CACNA1E: variants seen among roughly 807,000 people sequenced by gnomAD.
CACNA1E encodes calcium voltage-gated channel subunit alpha1 E.
In CACNA1E, 40 loss-of-function variants were observed where a neutral mutation model predicts 259.2. That is an observed-to-expected ratio of 0.15 (90% confidence interval 0.12 to 0.20). CACNA1E has a LOEUF of 0.20. CACNA1E is among the 10% of genes least tolerant of loss of function. The probability of loss-of-function intolerance (pLI) is 1.00; values close to 1 mark genes in which losing one functional copy is unlikely to be tolerated. For synonymous variants in CACNA1E, 1,104 were observed against 1,138.5 expected, an observed-to-expected ratio of 0.97 and a Z score of 0.61; for missense variants, 1,874 against 3,040.1, an observed-to-expected ratio of 0.62 and a Z score of 9.02.
At chr1:181,704,890 T>A (rs935183366) in intron 7 of CACNA1E, among the ~76,000 whole-genome samples, 1 of 152,136 alleles carries the variant, frequency 6.6e-6, no homozygotes, top group Non-Finnish European at 1.5e-5. Flanking sequence ...TACCAGAACA[T>A]CTTCATCGCT....
intron 3 of CACNA1E, among the ~76,000 whole-genome samples, chr1:181,534,248 C>G (rs931273570): frequency 1.3e-5 from 2 of 152,042 alleles, no homozygotes; most frequent in African/African-American, 4.8e-5. Context: ...ATATTTTCAT[C>G]TAATTCATAA....
chr1:181,719,705 TCTC>T (rs748236367), intron 12 of CACNA1E, 43 bp from the exon 13 acceptor site: 33 of 1,081,854 alleles, frequency 3.1e-5, no homozygotes, highest in Non-Finnish European at 4.1e-5. Context: ...TGCCCCCTCT[TCTC>T]CTCTTCCTCC....
intron 7 of CACNA1E, chr1:181,651,680 G>A: frequency 2.7e-6 from 1 of 368,424 alleles, no homozygotes; most frequent in East Asian, 5.0e-5. Context: ...ACTGAACACA[G>A]TATGTAGTGA....
chr1:181,633,360 T>G (rs952627436), intron 6 of CACNA1E, among the ~76,000 whole-genome samples: 16 of 151,972 alleles, frequency 1.1e-4, no homozygotes, highest in African/African-American at 3.9e-4. Flanking sequence ...CTTGAGCGAG[T>G]GTTTTAGCTG....
intron 17 of CACNA1E, among the ~76,000 whole-genome samples, chr1:181,725,612 A>G (rs74698494): frequency 0.038 from 5,775 of 152,276 alleles, 352 homozygotes; most frequent in African/African-American, 0.13. Context: ...TAGCTGTGCA[A>G]AGAAGACACT....
intron 2 of CACNA1E, among the ~76,000 whole-genome samples, chr1:181,452,208 GACACTTGGATA>G (rs1274766642): frequency 4.6e-5 from 7 of 152,202 alleles, no homozygotes; most frequent in Non-Finnish European, 1.0e-4. Flanking sequence ...TTAAAGGCTA[GACACTTGGATA>G]ACTAGGAAGG....
rs192457333 is a variant in CACNA1E at position 181,664,068 on chromosome 1, T to C, written c.1055+12627T>C. 3.0e-3 allele frequency among the ~76,000 whole-genome samples: 457 copies of C among 152,350 alleles called. 1 individual carries two copies. Among genetic ancestry groups the C allele is most frequent in the Non-Finnish European group, 4.6e-3 (316 of 68,028 alleles). On this transcript the variant is annotated intron_variant, in intron 7 of 47. Transcript: ENST00000367573. ...AGCATTTGGTTTATAAAGCATTTCA[T>C]GTGTTTGATTCCCACAATAATCCTA...
At chr1:181,353,168 C>A (rs901107040) in intron 1 of CACNA1E, among the ~76,000 whole-genome samples, 11 of 152,180 alleles carry the variant, frequency 7.2e-5, no homozygotes, top group African/African-American at 2.7e-4. Flanking sequence ...TCTCCACTAA[C>A]CCTGATGGGC....
At chr1:181,484,553 G>A (rs966400502) in intron 1 of CACNA1E, among the ~76,000 whole-genome samples, 1 of 152,178 alleles carries the variant, frequency 6.6e-6, no homozygotes, top group Non-Finnish European at 1.5e-5. Context: ...ACAGGCTTTT[G>A]GGTGGGGACT....
intron 1 of CACNA1E, among the ~76,000 whole-genome samples, chr1:181,370,670 T>C (rs2609498): frequency 0.55 from 83,124 of 152,048 alleles, 24,352 homozygotes; most frequent in African/African-American, 0.77. Context: ...TTTCTTTATC[T>C]AGTCCGTCAT....
chr1:181,558,094 A>G (rs1316333873), intron 3 of CACNA1E, among the ~76,000 whole-genome samples: 1 of 152,248 alleles, frequency 6.6e-6, no homozygotes, highest in Non-Finnish European at 1.5e-5. Flanking sequence ...GAAGAGAATA[A>G]TTCCAGAAGC....
intron 2 of CACNA1E, among the ~76,000 whole-genome samples, chr1:181,453,043 C>T (rs760450015): frequency 8.5e-5 from 13 of 152,236 alleles, no homozygotes; most frequent in Non-Finnish European, 1.2e-4. Flanking sequence ...TATTTGGACA[C>T]TTTGTGGCAG....
intron 6 of CACNA1E, among the ~76,000 whole-genome samples, chr1:181,646,547 T>C (rs1055203801): frequency 1.4e-4 from 21 of 152,264 alleles, no homozygotes; most frequent in African/African-American, 5.1e-4. Context: ...CACTCAGTCA[T>C]AGGCAATTCA....
chr1:181,365,508 C>T (rs1042860606), intron 1 of CACNA1E, among the ~76,000 whole-genome samples: 5 of 152,336 alleles, frequency 3.3e-5, no homozygotes, highest in African/African-American at 7.2e-5. Context: ...CATTCGGAGA[C>T]AGTTGGGTAA....
intron 35 of CACNA1E, among the ~76,000 whole-genome samples, chr1:181,767,456 C>T (rs1402921037): frequency 6.6e-6 from 1 of 152,206 alleles, no homozygotes; most frequent in Non-Finnish European, 1.5e-5. Flanking sequence ...CAGCATAGAA[C>T]TTCGGCTATG....
chr1:181,501,996 C>G (rs1665288307), intron 1 of CACNA1E, among the ~76,000 whole-genome samples: 1 of 152,028 alleles, frequency 6.6e-6, no homozygotes, highest in African/African-American at 2.4e-5. Context: ...ACAAGGAAAG[C>G]AATGAGATGA....
intron 1 of CACNA1E, among the ~76,000 whole-genome samples, chr1:181,347,397 T>C (rs183141409): frequency 6.6e-6 from 1 of 152,288 alleles, no homozygotes; most frequent in East Asian, 1.9e-4. Flanking sequence ...CTTTCTTTTT[T>C]CCTCCCATCC....
intron 13 of CACNA1E, among the ~76,000 whole-genome samples, 163 bp from the exon 14 acceptor site, chr1:181,720,043 G>A (rs1654280820): frequency 6.6e-6 from 1 of 151,978 alleles, no homozygotes; most frequent in Non-Finnish European, 1.5e-5. Flanking sequence ...AAATATCTAT[G>A]GTGCCACATT....
intron 6 of CACNA1E, among the ~76,000 whole-genome samples, chr1:181,601,886 G>T (rs943358748): frequency 3.3e-5 from 5 of 152,150 alleles, no homozygotes; most frequent in Admixed American, 3.3e-4. Flanking sequence ...ACTCCCTTCT[G>T]CTTCTTGCCT....
Sources: gnomAD v4.1 joint callset for allele counts (sites outside exome capture counted in the v4.1 genomes callset) on GRCh38, gnomAD v4.1.1 for gene constraint, MANE v1.5 for transcripts, NCBI Gene and HGNC (gene_info 2026-07-23, HGNC 2026-07-21) for gene names.